The following RAP1GDS1 variants were observed in gnomAD, a reference collection of about 807,000 sequenced individuals.
RAP1GDS1 encodes the protein Rap1 GTPase-GDP dissociation stimulator 1.
Under a neutral mutation model 71.1 loss-of-function variants are expected in RAP1GDS1, and 35 were observed. The ratio of observed to expected loss-of-function variants is 0.49; its 90% CI spans 0.38 to 0.65. The LOEUF is 0.65. Among genes scored for constraint, RAP1GDS1 ranks in the 30% least tolerant of loss-of-function variants. The probability of loss-of-function intolerance (pLI) is 0.00; values close to 1 mark genes in which losing one functional copy is unlikely to be tolerated. For missense variants in RAP1GDS1, 663 were observed against 706.1 expected, an observed-to-expected ratio of 0.94 and a Z score of 0.69; for synonymous variants, 229 against 243.1, an observed-to-expected ratio of 0.94 and a Z score of 0.54.
intron 8 of RAP1GDS1, 67 bp from the exon 9 acceptor site, chr4:98,417,300 A>C (rs1748175016): frequency 6.8e-7 from 1 of 1,471,758 alleles, no homozygotes; most frequent in Non-Finnish European, 9.4e-7. Flanking sequence ...ATATTCACCT[A>C]AGAATGTGAA....
chr4:98,328,677 C>A (rs556541004), intron 2 of RAP1GDS1, among the ~76,000 whole-genome samples: 5 of 152,098 alleles, frequency 3.3e-5, no homozygotes, highest in Non-Finnish European at 7.4e-5. Flanking sequence ...GTATAGTCAT[C>A]GTGATTTATT....
At chr4:98,389,575 A>G (rs1743294351) in intron 5 of RAP1GDS1, among the ~76,000 whole-genome samples, 1 of 152,174 alleles carries the variant, frequency 6.6e-6, no homozygotes, top group Non-Finnish European at 1.5e-5. Flanking sequence ...ACACATTTTC[A>G]CGAAGCAACA....
At chr4:98,435,306 G>A (rs77322725) in intron 13 of RAP1GDS1, among the ~76,000 whole-genome samples, 3 of 152,158 alleles carry the variant, frequency 2.0e-5, no homozygotes, top group Non-Finnish European at 4.4e-5. Flanking sequence ...AAGTCAAGGT[G>A]TATAGGATAT....
At position 98,400,283 on chromosome 4, in the gene RAP1GDS1, C is replaced by T. The variant is rs147846093; in HGVS notation, c.638-4194C>T. 6.6e-4 allele frequency among the ~76,000 whole-genome samples: 101 copies of T among 151,982 alleles called. 2 individuals carry two copies. In the East Asian group the frequency reaches 0.014, roughly 21 times the overall value. ...CACCCATGTTTACTGCAGCACTGTT[C>T]ACAATAGATATGGGATCAACCTAGA... On this transcript the variant is annotated intron_variant, in intron 6 of 14. Coordinates refer to ENST00000408927, the MANE Select transcript of RAP1GDS1 (RefSeq NM_001100427.2).
At chr4:98,422,768 C>T (rs1749071774) in intron 12 of RAP1GDS1, among the ~76,000 whole-genome samples, 1 of 152,200 alleles carries the variant, frequency 6.6e-6, no homozygotes, top group African/African-American at 2.4e-5. Flanking sequence ...TGTTCTTCTC[C>T]ATCAGATGCT....
intron 5 of RAP1GDS1, among the ~76,000 whole-genome samples, chr4:98,383,412 A>G (rs571267991): frequency 1.3e-5 from 2 of 151,724 alleles, no homozygotes; most frequent in African/African-American, 4.8e-5. Context: ...ATATACATGT[A>G]TGATATGTGT....
At chr4:98,388,732 T>A (rs9997666) in intron 5 of RAP1GDS1, among the ~76,000 whole-genome samples, 21,814 of 151,162 alleles carry the variant, frequency 0.14, 2,256 homozygotes, top group African/African-American at 0.29. Context: ...TCTCAAAAAT[T>A]TTTTTTTTTA....
At chr4:98,430,734 A>C (rs1750278283) in intron 12 of RAP1GDS1, among the ~76,000 whole-genome samples, 1 of 152,208 alleles carries the variant, frequency 6.6e-6, no homozygotes, top group African/African-American at 2.4e-5. Context: ...TTTTTAAAAT[A>C]ATTAAACACC....
intron 1 of RAP1GDS1, among the ~76,000 whole-genome samples, chr4:98,281,936 G>A (rs577330646): frequency 6.6e-6 from 1 of 152,280 alleles, no homozygotes; most frequent in East Asian, 1.9e-4. Flanking sequence ...TGTTGAACCA[G>A]CCTTGCATCC....
At chr4:98,308,993 A>T (rs1265296274) in intron 2 of RAP1GDS1, among the ~76,000 whole-genome samples, 2 of 152,118 alleles carry the variant, frequency 1.3e-5, no homozygotes, top group African/African-American at 4.8e-5. Flanking sequence ...CCTTTAAATT[A>T]ATAAGTATTC....
At chr4:98,371,651 A>C (rs1265501408) in intron 4 of RAP1GDS1, among the ~76,000 whole-genome samples, 1 of 150,216 alleles carries the variant, frequency 6.7e-6, no homozygotes, top group African/African-American at 2.5e-5. Context: ...TAGTTTTTGT[A>C]TTTTTAGTAG....
intron 2 of RAP1GDS1, among the ~76,000 whole-genome samples, chr4:98,327,856 TTC>T (rs941927205): frequency 4.6e-5 from 7 of 152,218 alleles, no homozygotes; most frequent in African/African-American, 1.7e-4. Context: ...AAGTTTAATT[TTC>T]TCTGTTTTGT....
In RAP1GDS1 at chr4:98,389,003, G is replaced by T. The variant is rs901661476; in HGVS notation, c.509-2949G>T. ...AAAAAAATTGCTGCAAAGAATAGCA[G>T]TTTGTTTTACTATTTGTGATGGTGA... On this transcript the variant is annotated intron_variant, in intron 5 of 14. Coordinates refer to ENST00000408927, the MANE Select transcript of RAP1GDS1 (RefSeq NM_001100427.2). Among the ~76,000 whole-genome samples the T allele has an allele frequency of 3.6e-5, 5 of 140,220 alleles. No homozygotes were observed. In the East Asian group the frequency reaches 5.8e-4, roughly 16 times the overall value. 92.0% of individuals were successfully genotyped at this position (140,220 alleles called of 152,430 possible).
intron 3 of RAP1GDS1, 52 bp from the exon 4 acceptor site, chr4:98,352,424 A>T (rs908290485): frequency 1.9e-6 from 3 of 1,577,546 alleles, no homozygotes; most frequent in African/African-American, 1.4e-5. Context: ...GAGATGATTT[A>T]TGTAAATTGT....
At chr4:98,299,099 C>A (rs1728200823) in intron 2 of RAP1GDS1, among the ~76,000 whole-genome samples, 1 of 152,050 alleles carries the variant, frequency 6.6e-6, no homozygotes, top group Non-Finnish European at 1.5e-5. Flanking sequence ...GATGTTCCCC[C>A]CGCTGTGTCC....
intron 2 of RAP1GDS1, among the ~76,000 whole-genome samples, chr4:98,296,391 C>CT (rs1040847801): frequency 3.4e-4 from 51 of 151,082 alleles, no homozygotes; most frequent in African/African-American, 1.1e-3. Context: ...GAGTGGTTTT[C>CT]TTTTTTTACC....
At chr4:98,335,616 T>C (rs1446412252) in intron 2 of RAP1GDS1, among the ~76,000 whole-genome samples, 2 of 152,084 alleles carry the variant, frequency 1.3e-5, no homozygotes, top group African/African-American at 2.4e-5. Flanking sequence ...AAAAAACTTA[T>C]CTTTGAATGT....
chr4:98,328,131 G>A (rs1186580803), intron 2 of RAP1GDS1, among the ~76,000 whole-genome samples: 1 of 152,166 alleles, frequency 6.6e-6, no homozygotes, highest in Non-Finnish European at 1.5e-5. Flanking sequence ...CTTATTTTAT[G>A]TATATGGGGT....
At chr4:98,283,929 CTA>C (rs1227099922) in intron 1 of RAP1GDS1, among the ~76,000 whole-genome samples, 1 of 150,626 alleles carries the variant, frequency 6.6e-6, no homozygotes, top group East Asian at 2.0e-4. Context: ...GAGCTTACAT[CTA>C]TATAAAGGAA....
Sources: allele counts gnomAD v4.1 joint callset (sites outside exome capture counted in the v4.1 genomes callset), GRCh38; gene constraint gnomAD v4.1.1; transcripts MANE v1.5; gene names NCBI Gene and HGNC (gene_info 2026-07-23, HGNC 2026-07-21).